Variants in SLC5A1 observed in about 807,000 individuals in gnomAD.
SLC5A1 encodes the protein sodium/glucose cotransporter 1.
A neutral mutation model predicts 73.5 loss-of-function variants in SLC5A1; 42 were observed. The ratio of observed to expected loss-of-function variants is 0.57; its 90% confidence interval spans 0.45 to 0.74. The LOEUF (loss-of-function observed/expected upper bound fraction) is 0.74, where lower values mean the gene tolerates loss of function less well. SLC5A1 is among the 30% of genes least tolerant of loss of function. The pLI, the probability that SLC5A1 is intolerant of heterozygous loss-of-function variation, is 0.00. For synonymous variants in SLC5A1, 300 were observed against 317.4 expected (o/e 0.95, Z 0.58); for missense variants, 634 against 855.4 (o/e 0.74, Z 3.23).
intron 2 of SLC5A1, among the ~76,000 whole-genome samples, chr22:32,062,874 C>T (rs743763): frequency 0.045 from 6,819 of 152,188 alleles, 203 homozygotes; most frequent in Non-Finnish European, 0.07. Flanking sequence ...GCTCAGGCTG[C>T]CACAACAAAA....
At chr22:32,073,937 T>C (rs939595368) in intron 5 of SLC5A1, among the ~76,000 whole-genome samples, 3 of 152,178 alleles carry the variant, frequency 2.0e-5, no homozygotes, top group Non-Finnish European at 4.4e-5. Context: ...GTGCAAAGCC[T>C]GGACTGGAAA....
chr22:32,044,324 T>A (rs1316457983), intron 1 of SLC5A1, among the ~76,000 whole-genome samples: 1 of 151,976 alleles, frequency 6.6e-6, no homozygotes, highest in Non-Finnish European at 1.5e-5. Flanking sequence ...ATAAAAAAAA[T>A]TACAAAAAAT....
chr22:32,076,632 G>A (rs1193994106), intron 5 of SLC5A1, among the ~76,000 whole-genome samples: 1 of 152,228 alleles, frequency 6.6e-6, no homozygotes, highest in Non-Finnish European at 1.5e-5. Context: ...ACTTTCACAA[G>A]TGGAAAGAGA....
intron 2 of SLC5A1, among the ~76,000 whole-genome samples, chr22:32,051,651 G>A (rs1477559480): frequency 6.6e-6 from 1 of 151,976 alleles, no homozygotes; most frequent in Non-Finnish European, 1.5e-5. Flanking sequence ...GTGAGACCCT[G>A]TTTCAAACAA....
intron 2 of SLC5A1, among the ~76,000 whole-genome samples, chr22:32,056,456 T>TTTTG (rs130267): frequency 6.8e-6 from 1 of 147,174 alleles, no homozygotes; most frequent in Non-Finnish European, 1.5e-5. Context: ...TTTTTTTTTT[T>TTTTG]AGCATAAGTA....
intron 1 of SLC5A1, among the ~76,000 whole-genome samples, chr22:32,048,181 C>T (rs1276023442): frequency 6.6e-6 from 1 of 150,608 alleles, no homozygotes; most frequent in East Asian, 1.9e-4. Flanking sequence ...GGTGCCACCT[C>T]TGACAGGGTT....
At chr22:32,055,781 A>G (rs998128223) in intron 2 of SLC5A1, among the ~76,000 whole-genome samples, 2 of 152,220 alleles carry the variant, frequency 1.3e-5, no homozygotes, top group Non-Finnish European at 2.9e-5. Context: ...AGTGGGCATT[A>G]AATAAGAAAA....
At chr22:32,058,043 T>G (rs2093954456) in intron 2 of SLC5A1, among the ~76,000 whole-genome samples, 1 of 152,182 alleles carries the variant, frequency 6.6e-6, no homozygotes, top group African/African-American at 2.4e-5. Context: ...AAAAATGCAC[T>G]CATTGTTTTG....
chr22:32,110,092 A>G lies in SLC5A1; in HGVS notation c.1874A>G (p.Glu625Gly). The stretch of plus-strand genomic sequence containing the variant: ...GCACCCAAGATGACTGAGGAAGAGG[A>G]GAAAGCCATGAAGATGAAGATGACG... ...HGAPKMTEEE[E>G]KAMKMKMTDT... Residue 625 changes from glutamate to glycine, a missense_variant, in exon 15 of 15, where the codon GAG becomes GGG. Physicochemically the swap from Glu to Gly is moderately conservative, Grantham distance 98 (BLOSUM62 -2). This residue lies in a region of SLC5A1 where 161 missense variants were observed against 178.7 expected (regional missense o/e 0.90). Transcript: ENST00000266088. 1 of 1,614,110 alleles carries G rather than the reference A, an allele frequency of 6.2e-7. No homozygotes were observed. Among genetic ancestry groups the G allele is most frequent in the Non-Finnish European group, 8.5e-7 (1 of 1,179,944 alleles).
intron 5 of SLC5A1, among the ~76,000 whole-genome samples, chr22:32,070,387 G>A (rs2093981156): frequency 6.6e-6 from 1 of 150,858 alleles, no homozygotes; most frequent in African/African-American, 2.4e-5. Context: ...AGACTGGAGT[G>A]CATGGCATGA....
At chr22:32,100,537 T>C (rs2149497078) in intron 12 of SLC5A1, among the ~76,000 whole-genome samples, 1 of 152,270 alleles carries the variant, frequency 6.6e-6, no homozygotes, top group Non-Finnish European at 1.5e-5. Context: ...TGTTGAGTTT[T>C]TATTATGAAA....
intron 11 of SLC5A1, among the ~76,000 whole-genome samples, chr22:32,097,863 T>A (rs1422261988): frequency 6.6e-6 from 1 of 152,198 alleles, no homozygotes; most frequent in Non-Finnish European, 1.5e-5. Flanking sequence ...GTTAAACATA[T>A]ATCTAACAAA....
intron 2 of SLC5A1, among the ~76,000 whole-genome samples, chr22:32,062,384 T>G (rs536176948): frequency 1.3e-5 from 2 of 152,338 alleles, no homozygotes; most frequent in East Asian, 3.9e-4. Flanking sequence ...ATCAAAAGAA[T>G]AAATAGCCTT....
intron 14 of SLC5A1, among the ~76,000 whole-genome samples, chr22:32,107,557 G>GT (rs2094048519): frequency 6.6e-6 from 1 of 152,228 alleles, no homozygotes. Flanking sequence ...ATGCTCTGCT[G>GT]TAAGAATTGT....
In SLC5A1 at chr22:32,066,905, C is replaced by G. The variant is rs773866763; in HGVS notation, c.208-30C>G. 2.0e-6 allele frequency: 3 copies of G among 1,480,102 alleles called. No homozygotes were observed. The Admixed American group carries it at 5.0e-5, about 25-fold the overall frequency. 91.7% of individuals were successfully genotyped at this position (1,480,102 alleles called of 1,614,324 possible). ...CTGAGTGTCCTGGGAGAGCACAGAG[C>G]CCTCACCTGACTTTCTTTTGCGTTT... On this transcript the variant is annotated intron_variant, in intron 2 of 14. Transcript: ENST00000266088.
intron 5 of SLC5A1, among the ~76,000 whole-genome samples, chr22:32,077,638 T>G (rs2093993152): frequency 6.6e-6 from 1 of 152,192 alleles, no homozygotes; most frequent in South Asian, 2.1e-4. Context: ...CAAACACCCT[T>G]ATATTCACCA....
chr22:32,076,540 T>C (rs1034928914), intron 5 of SLC5A1, among the ~76,000 whole-genome samples: 2 of 152,248 alleles, frequency 1.3e-5, no homozygotes, highest in Non-Finnish European at 2.9e-5. Context: ...ACAGCAATTC[T>C]GCTGTCCATT....
rs947730767 is a variant in SLC5A1 at position 32,059,262 on chromosome 22, T to C, written c.208-7673T>C. 1.1e-5 allele frequency: 11 copies of C among 985,240 alleles called. No homozygotes were observed. The African/African-American group carries it at 1.7e-4, about 16-fold the overall frequency. The allele number at this position is 985,240 out of a possible 1,614,324, so 61.0% of individuals were successfully genotyped here. On this transcript the variant is annotated intron_variant, in intron 2 of 14. Coordinates refer to ENST00000266088, the MANE Select transcript of SLC5A1 (RefSeq NM_000343.4). ...GGGCTCTTTGAAGGCTAGAAGGTAT[T>C]TGGGGCAGCAGACTTGTGTGGAAGC...
chr22:32,084,305 A>G (rs2094004473), intron 7 of SLC5A1, 134 bp from the exon 8 acceptor site: 9 of 760,198 alleles, frequency 1.2e-5, no homozygotes, highest in Non-Finnish European at 2.1e-5. Flanking sequence ...TGGGAAGGTG[A>G]TTTGCCCAAG....
Sources: gnomAD v4.1 joint callset for allele counts (sites outside exome capture counted in the v4.1 genomes callset) on GRCh38, gnomAD v4.1.1 for gene constraint, gnomAD v4.1.1 regional missense constraint, MANE v1.5 for transcripts, NCBI Gene and HGNC (gene_info 2026-07-23, HGNC 2026-07-21) for gene names.